Variants in PPP6R2 observed in about 807,000 individuals in gnomAD.
PPP6R2 encodes the protein serine/threonine-protein phosphatase 6 regulatory subunit 2.
In PPP6R2, 62 loss-of-function variants were observed where a neutral mutation model predicts 100.2. That is an observed-to-expected ratio of 0.62 (90% CI 0.50 to 0.76). The LOEUF (loss-of-function observed/expected upper bound fraction) is 0.76. Ranked by LOEUF, PPP6R2 falls within the 30% of genes least tolerant of loss-of-function variation. The probability of loss-of-function intolerance (pLI) is 0.00; values close to 1 mark genes in which losing one functional copy is unlikely to be tolerated. For synonymous variants in PPP6R2, 525 were observed against 514.7 expected (o/e 1.02, Z -0.27); for missense variants, 1,142 against 1,276.3 (o/e 0.89, Z 1.60).
Position 50,431,771 on chromosome 22 carries a change from C to A in PPP6R2, c.1335+389C>A, listed in dbSNP as rs1033274459. Among the ~76,000 whole-genome samples the A allele has an allele frequency of 3.3e-5, 5 of 152,108 alleles. No individual in the cohort carries two copies. The highest frequency in any genetic ancestry group is 1.3e-4 in the Admixed American group (2 of 15,270). On this transcript the variant is annotated intron_variant, in intron 11 of 23. Transcript: ENST00000612753. This position sits in a 1 kb window ranked among gnomAD's most constrained non-coding sequence, Gnocchi z 4.8. ...CATGCAGGCCAACCAGGGACTGTCA[C>A]CCGGATAGCAAGGCCACAGGTATAT...
chr22:50,413,805 G>A (rs1320829585), intron 4 of PPP6R2, among the ~76,000 whole-genome samples: 1 of 152,130 alleles, frequency 6.6e-6, no homozygotes, highest in Non-Finnish European at 1.5e-5. Flanking sequence ...ATTGTTTCCA[G>A]TGGAGGGCTG....
intron 3 of PPP6R2, among the ~76,000 whole-genome samples, chr22:50,395,837 G>A (rs2056684668): frequency 1.3e-5 from 2 of 151,476 alleles, no homozygotes; most frequent in Admixed American, 1.3e-4. Flanking sequence ...AAAGTGCTGG[G>A]ATTATAGGTG....
intron 8 of PPP6R2, among the ~76,000 whole-genome samples, chr22:50,421,214 A>T (rs2147769567): frequency 6.6e-6 from 1 of 152,284 alleles, no homozygotes; most frequent in African/African-American, 2.4e-5. Flanking sequence ...TTGATATTTT[A>T]ATCTTCATAA....
chr22:50,335,637 G>A, the PPP6R2 span, among the ~76,000 whole-genome samples: 239 of 149,236 alleles, frequency 1.6e-3, 1 homozygote, highest in African/African-American at 5.6e-3. Context: ...TCAGCCTCCC[G>A]AGTAGGTGAG....
upstream of PPP6R2, among the ~76,000 whole-genome samples, chr22:50,340,593 T>TG (rs375037126): frequency 2.5e-4 from 30 of 118,424 alleles, no homozygotes; most frequent in Middle Eastern, 4.1e-3. Context: ...GTGTGGTGTG[T>TG]GTGTGTGGTG....
At position 50,439,947 on chromosome 22, in the gene PPP6R2, G is replaced by A. The variant is rs777647361; in HGVS notation, c.2286-14G>A. 1.9e-5 allele frequency: 31 copies of A among 1,613,032 alleles called. No individual in the cohort carries two copies. The highest frequency in any genetic ancestry group is 6.7e-5 in the East Asian group (3 of 44,872). On this transcript the variant is annotated splice_polypyrimidine_tract_variant and intron_variant, in intron 20 of 23. Transcript: ENST00000612753. Reference sequence around the variant, plus strand: ...GTCCCCCAGGACTGATCCTGTCCTCGTCCTTGTATGCAGCTCCGAGTCAGG... The same window carrying A: ...GTCCCCCAGGACTGATCCTGTCCTCATCCTTGTATGCAGCTCCGAGTCAGG...
At chr22:50,331,267 T>C in the PPP6R2 span, among the ~76,000 whole-genome samples, 4 of 152,184 alleles carry the variant, frequency 2.6e-5, no homozygotes, top group African/African-American at 7.2e-5. Context: ...GCTGTGACAT[T>C]TGTGTACAAG....
intron 1 of PPP6R2, among the ~76,000 whole-genome samples, chr22:50,349,897 C>T (rs1428869774): frequency 6.6e-6 from 1 of 150,984 alleles, no homozygotes; most frequent in African/African-American, 2.4e-5. Context: ...GCGGGTGGAT[C>T]ACCTGAGGTC....
intron 1 of PPP6R2, among the ~76,000 whole-genome samples, chr22:50,352,767 A>G (rs2045613408): frequency 6.6e-6 from 1 of 151,658 alleles, no homozygotes. Flanking sequence ...CAAAACAACA[A>G]CAACGTAACT....
intron 10 of PPP6R2, among the ~76,000 whole-genome samples, chr22:50,427,865 T>A (rs181972960): frequency 9.5e-4 from 145 of 152,320 alleles, no homozygotes; most frequent in African/African-American, 3.3e-3. Context: ...GGACTACAGG[T>A]GCCTGCTACC....
rs1021060888 is a variant in PPP6R2 at position 50,431,509 on chromosome 22, C to T, written c.1335+127C>T. On this transcript the variant is annotated intron_variant, in intron 11 of 23. Transcript: ENST00000612753. The surrounding 1 kb of genome is among the most constrained non-coding windows in gnomAD (Gnocchi z 4.8). Reference sequence around the variant, plus strand: ...ACGGGGGCAGGGCTTTGAAAAGGGTCCCCAGGTGTCTGGTCAGACGCTCGT... The same window carrying T: ...ACGGGGGCAGGGCTTTGAAAAGGGTTCCCAGGTGTCTGGTCAGACGCTCGT... The T allele has an allele frequency of 7.3e-6, 6 of 816,430 alleles. No homozygotes were observed. Among genetic ancestry groups the T allele is most frequent in the Admixed American group, 2.6e-5 (1 of 38,870 alleles). The allele number at this position is 816,430 out of a possible 1,614,324, so 50.6% of individuals were successfully genotyped here.
At chr22:50,422,190 GT>G (rs946192278) in intron 8 of PPP6R2, 63 bp from the exon 9 acceptor site, 1 of 1,573,646 alleles carries the variant, frequency 6.4e-7, no homozygotes, top group African/African-American at 1.4e-5. Context: ...GGTGCACTGA[GT>G]TGCTGGTGAG....
At chr22:50,348,026 G>C (rs1237211249) in intron 1 of PPP6R2, among the ~76,000 whole-genome samples, 1 of 152,164 alleles carries the variant, frequency 6.6e-6, no homozygotes, top group Admixed American at 6.6e-5. Context: ...TTGGGGGACA[G>C]AGTCTCCCAT....
rs1404124732 is a variant in PPP6R2, at chr22:50,444,803, T to G, written c.*556T>G. ...CCTTGGAGCTGGCACTGAACCAGGCTGCAAGATTTGACTGCCTTAAAAACA... is the reference window on the plus strand; with the variant it reads ...CCTTGGAGCTGGCACTGAACCAGGCGGCAAGATTTGACTGCCTTAAAAACA... On this transcript the variant is annotated 3_prime_UTR_variant, in exon 24 of 24. Coordinates refer to ENST00000612753, the MANE Select transcript of PPP6R2 (RefSeq NM_001242898.2). 1 of 155,834 alleles carries G rather than the reference T, an allele frequency of 6.4e-6. No homozygotes were observed. The highest frequency in any genetic ancestry group is 1.4e-5 in the Non-Finnish European group (1 of 70,604). The allele number at this position is 155,834 out of a possible 1,614,324, so 9.7% of individuals were successfully genotyped here. A position where few individuals can be genotyped will look rare whatever the true frequency, so the allele number is the denominator to read the frequency against.
At position 50,431,169 on chromosome 22, in the gene PPP6R2, C is replaced by A; in HGVS notation, c.1126-4C>A. On this transcript the variant is annotated splice_polypyrimidine_tract_variant and splice_region_variant and intron_variant, in intron 10 of 23. Transcript: ENST00000612753. This position sits in a 1 kb window ranked among gnomAD's most constrained non-coding sequence, Gnocchi z 4.8. ...GAACTGTCTTCTGTCCTCTGTTTAC[C>A]CAGGACTTGTTCTTTAAGTACACCT... 6.2e-7 allele frequency: 1 copy of A among 1,606,010 alleles called. No individual in the cohort carries two copies. Among genetic ancestry groups the A allele is most frequent in the Non-Finnish European group, 8.5e-7 (1 of 1,173,088 alleles).
chr22:50,393,798 A>G, intron 2 of PPP6R2, 95 bp from the exon 3 acceptor site: 1 of 1,558,966 alleles, frequency 6.4e-7, no homozygotes, highest in Admixed American at 1.8e-5. Context: ...GGATCTGCAG[A>G]GGTGAGAGAA....
rs561160798 is a variant in PPP6R2 at position 50,386,774 on chromosome 22, C to T, written c.-16-7119C>T. On this transcript the variant is annotated intron_variant, in intron 2 of 23. Transcript: ENST00000612753. ...GTGTTAGTTACTTCTACTCGCAACC[C>T]ATTTACCCAGAGTTTAGTCACATGA... is the stretch of plus-strand genomic sequence containing the variant. Among the ~76,000 whole-genome samples, 10 of 152,246 alleles carry T rather than the reference C, an allele frequency of 6.6e-5. No individual in the cohort carries two copies. The South Asian group carries it at 1.0e-3, about 16-fold the overall frequency.
rs2147355351 is a variant in PPP6R2 at position 50,412,252 on chromosome 22, T to C, written c.415-2300T>C. 4.7e-5 allele frequency among the ~76,000 whole-genome samples: 7 copies of C among 150,480 alleles called. No individual in the cohort carries two copies. The East Asian group carries it at 6.0e-4, about 13-fold the overall frequency. ...TATCCCCCAGGCTGGAGTGCAGTGG[T>C]GTGATCTCGGCTCACTGCAACCTCT... On this transcript the variant is annotated intron_variant, in intron 4 of 23. Coordinates refer to ENST00000612753, the MANE Select transcript of PPP6R2 (RefSeq NM_001242898.2).
At chr22:50,336,909 GT>G in the PPP6R2 span, among the ~76,000 whole-genome samples, 1 of 152,086 alleles carries the variant, frequency 6.6e-6, no homozygotes, top group African/African-American at 2.4e-5. Context: ...CTCTCGCTGT[GT>G]TGCCCAGGCT....
Sources: allele counts gnomAD v4.1 joint callset (sites outside exome capture counted in the v4.1 genomes callset), GRCh38; gene constraint gnomAD v4.1.1; non-coding constraint Gnocchi (gnomAD v3.1); transcripts MANE v1.5; gene names NCBI Gene and HGNC (gene_info 2026-07-23, HGNC 2026-07-21).